The following RGS7 variants were observed in gnomAD, a reference collection of about 807,000 sequenced individuals.
RGS7 encodes the protein regulator of G protein signaling 7.
A neutral mutation model predicts 81.1 loss-of-function variants in RGS7; 27 were observed. The observed-to-expected ratio is 0.33, with a 90% CI of 0.25 to 0.46. RGS7 has a LOEUF of 0.46. Ranked by LOEUF, RGS7 falls within the 20% of genes least tolerant of loss-of-function variation. The pLI, the probability that RGS7 is intolerant of heterozygous loss-of-function variation, is 1.00. For synonymous variants in RGS7, 208 were observed against 207.7 expected, an observed-to-expected ratio of 1.00 and a Z score of -0.01; for missense variants, 396 against 607.4, an observed-to-expected ratio of 0.65 and a Z score of 3.66.
At chr1:240,964,054 T>G (rs980868067) in intron 4 of RGS7, among the ~76,000 whole-genome samples, 2 of 151,812 alleles carry the variant, frequency 1.3e-5, no homozygotes, top group Non-Finnish European at 2.9e-5. Context: ...AACACTGAGG[T>G]GGTGAGAGAG....
chr1:240,925,968 G>A (rs900722686), intron 6 of RGS7, among the ~76,000 whole-genome samples: 3 of 152,062 alleles, frequency 2.0e-5, no homozygotes, highest in Admixed American at 2.0e-4. Flanking sequence ...ACTTTTTAAC[G>A]GGATTGTTTC....
chr1:241,229,157 G>T (rs536176573), intron 2 of RGS7, among the ~76,000 whole-genome samples: 57 of 151,968 alleles, frequency 3.8e-4, no homozygotes, highest in African/African-American at 1.3e-3. Flanking sequence ...AAAGATTTCA[G>T]ATATAATTCT....
At chr1:241,276,878 T>C (rs1573471910) in intron 2 of RGS7, among the ~76,000 whole-genome samples, 1 of 152,192 alleles carries the variant, frequency 6.6e-6, no homozygotes, top group Non-Finnish European at 1.5e-5. Context: ...TTCTTTTTAA[T>C]TTTAATAGTA....
chr1:241,087,112 G>C (rs2063495216), intron 3 of RGS7, among the ~76,000 whole-genome samples: 1 of 152,106 alleles, frequency 6.6e-6, no homozygotes, highest in Non-Finnish European at 1.5e-5. Flanking sequence ...TGTATCGCTA[G>C]GCCTGACAAA....
chr1:241,086,193 A>G (rs1031516661), intron 3 of RGS7, among the ~76,000 whole-genome samples: 1 of 152,242 alleles, frequency 6.6e-6, no homozygotes, highest in African/African-American at 2.4e-5. Context: ...TTTCCAGGGC[A>G]TCTCATCTGG....
intron 6 of RGS7, among the ~76,000 whole-genome samples, chr1:240,885,424 C>G (rs193020548): frequency 6.6e-6 from 1 of 152,276 alleles, no homozygotes; most frequent in Admixed American, 6.5e-5. Context: ...GAACAGAAAT[C>G]ATTCTCCCAT....
intron 2 of RGS7, among the ~76,000 whole-genome samples, chr1:241,099,979 G>A (rs569730595): frequency 3.9e-4 from 59 of 151,916 alleles, no homozygotes; most frequent in African/African-American, 1.4e-3. Context: ...AGTAAAGAGT[G>A]TATGGGAATT....
chr1:241,039,565 C>T (rs1238368526), intron 3 of RGS7, among the ~76,000 whole-genome samples: 4 of 147,354 alleles, frequency 2.7e-5, no homozygotes, highest in Non-Finnish European at 6.0e-5. Flanking sequence ...GAACTCATTT[C>T]TTTTTTTTTT....
intron 18 of RGS7, among the ~76,000 whole-genome samples, chr1:240,792,468 G>T (rs1237631915): frequency 6.6e-6 from 1 of 152,060 alleles, no homozygotes; most frequent in Non-Finnish European, 1.5e-5. Flanking sequence ...ACCTTCTTCT[G>T]TACTCTGCTT....
intron 2 of RGS7, among the ~76,000 whole-genome samples, chr1:241,154,327 C>A (rs2068963776): frequency 6.6e-6 from 1 of 152,102 alleles, no homozygotes; most frequent in Non-Finnish European, 1.5e-5. Flanking sequence ...AGGGAAGAAT[C>A]TCAGGCAGCA....
Position 241,355,781 on chromosome 1 carries a change from C to T in RGS7, c.-5G>A, listed in dbSNP as rs750750812. 6.2e-7 allele frequency: 1 copy of T among 1,613,924 alleles called. No homozygotes were observed. The highest frequency in any genetic ancestry group is 1.1e-5 in the South Asian group (1 of 91,076). ...ATAATTATTCCCCTGGGCCATGTCA[C>T]CCAAAACTTGGTCCACTCTCAAGAT... On this transcript the variant is annotated 5_prime_UTR_variant, in exon 2 of 19. The change creates a new upstream start codon in the 5' untranslated region. Transcript: ENST00000440928.
intron 3 of RGS7, among the ~76,000 whole-genome samples, chr1:240,992,141 G>A (rs1326845897): frequency 2.0e-5 from 3 of 152,156 alleles, no homozygotes; most frequent in Admixed American, 1.3e-4. Context: ...AGATCAAAGA[G>A]GATTCCAATT....
At chr1:240,872,399 C>T (rs2148039577) in intron 6 of RGS7, among the ~76,000 whole-genome samples, 1 of 152,146 alleles carries the variant, frequency 6.6e-6, no homozygotes, top group African/African-American at 2.4e-5. Context: ...TTTGAGGCTG[C>T]AGTGAGCTAT....
chr1:241,241,333 G>A (rs994293145), intron 2 of RGS7, among the ~76,000 whole-genome samples: 5 of 151,856 alleles, frequency 3.3e-5, no homozygotes, highest in Non-Finnish European at 5.9e-5. Context: ...TGTGGTTTTT[G>A]CAATGAAAAG....
intron 13 of RGS7, 130 bp downstream of exon 13, chr1:240,813,488 G>T (rs1267362968): frequency 1.0e-5 from 7 of 697,684 alleles, no homozygotes; most frequent in Middle Eastern, 2.4e-4. Flanking sequence ...GAACAAGAAT[G>T]TTAGATATAG....
chr1:241,146,992 G>C (rs528215934), intron 2 of RGS7, among the ~76,000 whole-genome samples: 1 of 152,166 alleles, frequency 6.6e-6, no homozygotes, highest in African/African-American at 2.4e-5. Context: ...GAATTTTGGG[G>C]ACGTAGAAAC....
At chr1:241,202,637 C>T (rs967344775) in intron 2 of RGS7, among the ~76,000 whole-genome samples, 1 of 152,184 alleles carries the variant, frequency 6.6e-6, no homozygotes, top group Non-Finnish European at 1.5e-5. Flanking sequence ...ATTTCTGGGC[C>T]TCTCTGAAGC....
chr1:240,875,680 C>T (rs1359522823), intron 6 of RGS7, among the ~76,000 whole-genome samples: 1 of 152,214 alleles, frequency 6.6e-6, no homozygotes, highest in African/African-American at 2.4e-5. Flanking sequence ...CTTTTCTCCA[C>T]ATTCTCCCCA....
In RGS7 at chr1:241,157,801, TTTTTCTTTTC is replaced by T. The variant is rs199641312; in HGVS notation, c.79-59049_79-59040del. Among the ~76,000 whole-genome samples the T allele has an allele frequency of 8.2e-4, 121 of 147,930 alleles. 1 individual carries two copies. Among genetic ancestry groups the T allele is most frequent in the East Asian group, 4.2e-3 (21 of 4,946 alleles). Reference sequence around the variant, plus strand: ...AATTTGTAGTGTCCATAAATAAACTTTTTTCTTTTCTTTTCTTTTCTTTTTTTTTTTTTTT... The same window carrying T: ...AATTTGTAGTGTCCATAAATAAACTTTTTTCTTTTCTTTTTTTTTTTTTTT... On this transcript the variant is annotated intron_variant, in intron 2 of 18. Coordinates refer to ENST00000440928, the MANE Select transcript of RGS7 (RefSeq NM_001364886.1).
Sources: gnomAD v4.1 joint callset for allele counts (sites outside exome capture counted in the v4.1 genomes callset) on GRCh38, gnomAD v4.1.1 for gene constraint, MANE v1.5 for transcripts, NCBI Gene and HGNC (gene_info 2026-07-23, HGNC 2026-07-21) for gene names.